GNG2: variants seen among roughly 807,000 people sequenced by gnomAD.
GNG2 encodes the protein guanine nucleotide-binding protein G(I)/G(S)/G(O) subunit gamma-2.
Under a neutral mutation model 5.5 loss-of-function variants are expected in GNG2, and 5 were observed. The ratio of observed to expected loss-of-function variants is 0.91; its 90% CI spans 0.48 to 1.92. The LOEUF (loss-of-function observed/expected upper bound fraction) is 1.92. GNG2 is among the 30% of genes most tolerant of loss of function. The pLI, the probability that GNG2 is intolerant of heterozygous loss-of-function variation, is 0.01. For missense variants in GNG2, 55 were observed against 88.4 expected, an observed-to-expected ratio of 0.62 and a Z score of 1.52; for synonymous variants, 28 against 32.0, an observed-to-expected ratio of 0.88 and a Z score of 0.42.
chr14:51,963,419 T>A (rs563081882), intron 3 of GNG2, among the ~76,000 whole-genome samples: 6 of 152,214 alleles, frequency 3.9e-5, no homozygotes, highest in Admixed American at 1.3e-4. Context: ...TATCACTGAT[T>A]TACTGTCTCC....
chr14:51,931,965 G>A (rs1252066959), intron 2 of GNG2, among the ~76,000 whole-genome samples: 1 of 152,032 alleles, frequency 6.6e-6, no homozygotes, highest in East Asian at 1.9e-4. Flanking sequence ...AGAAAATGTG[G>A]GCCGGGCGCG....
At chr14:51,844,344 A>G (rs1402663315) in intron 2 of GNG2, among the ~76,000 whole-genome samples, 1 of 152,170 alleles carries the variant, frequency 6.6e-6, no homozygotes, top group Non-Finnish European at 1.5e-5. Flanking sequence ...CTCTCTCCCC[A>G]GGGTAAGCTG....
Position 51,966,627 on chromosome 14 carries a change from C to A in GNG2, c.156C>A (p.Thr52=). The A allele has an allele frequency of 6.2e-7, 1 of 1,613,136 alleles. No homozygotes were observed. The highest frequency in any genetic ancestry group is 8.5e-7 in the Non-Finnish European group (1 of 1,179,086). Residue 52 remains threonine, a synonymous_variant, in exon 4 of 4, where the codon ACC becomes ACA. Transcript: ENST00000556766. ...ATGCCAAGGAAGACCCCCTCCTGAC[C>A]CCTGTTCCGGCTTCAGAAAACCCGT... ...EAHAKEDPLL[T]PVPASENPFR...
At chr14:51,934,569 CG>C (rs371845499) in intron 2 of GNG2, among the ~76,000 whole-genome samples, 50 of 152,112 alleles carry the variant, frequency 3.3e-4, no homozygotes, top group Non-Finnish European at 5.7e-4. Flanking sequence ...AACTGAGGCC[CG>C]GGGGGAAATG....
At chr14:51,913,760 C>T (rs1364135271) in intron 2 of GNG2, among the ~76,000 whole-genome samples, 1 of 152,126 alleles carries the variant, frequency 6.6e-6, no homozygotes, top group Non-Finnish European at 1.5e-5. Flanking sequence ...CTAGAAGTTA[C>T]TGTGGGAGTG....
intron 3 of GNG2, among the ~76,000 whole-genome samples, chr14:51,956,778 G>C (rs1339900904): frequency 1.3e-5 from 2 of 152,152 alleles, no homozygotes; most frequent in Non-Finnish European, 2.9e-5. Context: ...CTGATGGCTT[G>C]CAAGCATTTT....
chr14:51,885,031 C>T (rs1884351459), intron 2 of GNG2, among the ~76,000 whole-genome samples: 3 of 151,922 alleles, frequency 2.0e-5, no homozygotes, highest in East Asian at 1.9e-4. Context: ...AGAGGGGAGG[C>T]GGAGAGAGTC....
At chr14:51,875,947 C>CTTTTTTTTTTTTTTTTTTTTTT (rs10529707) in intron 1 of GNG2, among the ~76,000 whole-genome samples, 3 of 141,126 alleles carry the variant, frequency 2.1e-5, no homozygotes, top group Non-Finnish European at 4.5e-5. Context: ...ACATTTTTTT[C>CTTTTTTTTTTTTTTTTTTTTTT]TTTTTTCCGA....
At chr14:51,928,614 A>G (rs1277130655) in intron 2 of GNG2, among the ~76,000 whole-genome samples, 1 of 152,198 alleles carries the variant, frequency 6.6e-6, no homozygotes, top group Non-Finnish European at 1.5e-5. Context: ...CTCATCCTAA[A>G]AAAACACTGT....
At chr14:51,831,073 GC>G (rs1226306446) in intron 2 of GNG2, among the ~76,000 whole-genome samples, 1 of 152,114 alleles carries the variant, frequency 6.6e-6, no homozygotes, top group African/African-American at 2.4e-5. Context: ...TTGTATACTT[GC>G]CATGTTCTCT....
intron 2 of GNG2, among the ~76,000 whole-genome samples, chr14:51,934,666 T>A (rs984398835): frequency 6.6e-6 from 1 of 152,156 alleles, no homozygotes; most frequent in Non-Finnish European, 1.5e-5. Context: ...TACCCCACAC[T>A]GACTCCCACG....
At chr14:51,945,519 A>T (rs1438466024) in intron 2 of GNG2, among the ~76,000 whole-genome samples, 1 of 66,090 alleles carries the variant, frequency 1.5e-5, no homozygotes, top group Non-Finnish European at 4.0e-5. Flanking sequence ...GGTGGCTGCC[A>T]GGGGTTGAGG....
At chr14:51,935,728 GT>G (rs56063144) in intron 2 of GNG2, among the ~76,000 whole-genome samples, 3,915 of 151,906 alleles carry the variant, frequency 0.026, 140 homozygotes, top group East Asian at 0.13. Flanking sequence ...TCTGCAGGCC[GT>G]TGTAGGAAGC....
rs1005358820 is a variant in GNG2, at chr14:51,969,076, T to C, written c.*2389T>C. On this transcript the variant is annotated 3_prime_UTR_variant, in exon 4 of 4. Coordinates refer to ENST00000556766, the MANE Select transcript of GNG2 (RefSeq NM_053064.5). ...GGGGAAAAAGTCTTTCGATTACTTA[T>C]GCCTCTATAGAGCTTAATTTCTTGA... 1 of 152,224 alleles carries C rather than the reference T, an allele frequency of 6.6e-6. No individual in the cohort carries two copies. Among genetic ancestry groups the C allele is most frequent in the African/African-American group, 2.4e-5 (1 of 41,466 alleles). 9.4% of individuals were successfully genotyped at this position (152,224 alleles called of 1,614,324 possible).
intron 1 of GNG2, chr14:51,827,572 A>G (rs1476540267): frequency 2.5e-5 from 16 of 632,542 alleles, no homozygotes; most frequent in Non-Finnish European, 4.0e-5. Context: ...ACAGTTCCAG[A>G]CTATAACTAG....
At chr14:51,941,939 T>G (rs879757399) in intron 2 of GNG2, among the ~76,000 whole-genome samples, 10 of 152,256 alleles carry the variant, frequency 6.6e-5, no homozygotes, top group Admixed American at 6.5e-4. Context: ...AATTAGGGCA[T>G]TCTTTCAGAA....
In GNG2 at chr14:51,959,192, C is replaced by T. The variant is rs80166112; in HGVS notation, c.88-7367C>T. 9.1e-3 allele frequency among the ~76,000 whole-genome samples: 1,380 copies of T among 152,170 alleles called. 29 individuals are homozygous for T. The highest frequency in any genetic ancestry group is 0.031 in the African/African-American group (1,297 of 41,512). ...TACTTTCTTGGTGATCTTGTTAGTT[C>T]CCAAGGCTTAGTGTACCATCTCTAG... On this transcript the variant is annotated intron_variant, in intron 3 of 3. Coordinates refer to ENST00000556766, the MANE Select transcript of GNG2 (RefSeq NM_053064.5).
intron 2 of GNG2, among the ~76,000 whole-genome samples, chr14:51,930,100 C>T (rs1225171345): frequency 6.6e-6 from 1 of 152,234 alleles, no homozygotes; most frequent in Admixed American, 6.5e-5. Context: ...CTCAGCCAAG[C>T]AAACGATGCC....
At chr14:51,842,929 T>G (rs998806719) in intron 2 of GNG2, among the ~76,000 whole-genome samples, 1 of 152,084 alleles carries the variant, frequency 6.6e-6, no homozygotes, top group Non-Finnish European at 1.5e-5. Flanking sequence ...TTTCCAGAAG[T>G]GCTGGGATTA....
Sources: gnomAD v4.1 joint callset for allele counts (sites outside exome capture counted in the v4.1 genomes callset) on GRCh38, gnomAD v4.1.1 for gene constraint, MANE v1.5 for transcripts, NCBI Gene and HGNC (gene_info 2026-07-23, HGNC 2026-07-21) for gene names.